Variants in ZNF385B observed in about 807,000 individuals in gnomAD.
ZNF385B encodes zinc finger protein 385B.
Under a neutral mutation model 39.2 loss-of-function variants are expected in ZNF385B, and 23 were observed. That is an observed-to-expected ratio of 0.59 (90% CI 0.42 to 0.83). The LOEUF (loss-of-function observed/expected upper bound fraction) is 0.83, where lower values mean the gene tolerates loss of function less well. ZNF385B is among the 40% of genes least tolerant of loss of function. ZNF385B has a pLI of 0.00. For missense variants in ZNF385B, 552 were observed against 598.9 expected, an observed-to-expected ratio of 0.92 and a Z score of 0.82; for synonymous variants, 205 against 222.6, an observed-to-expected ratio of 0.92 and a Z score of 0.70.
At chr2:179,854,973 T>A (rs1684467381) in intron 1 of ZNF385B, among the ~76,000 whole-genome samples, 1 of 152,146 alleles carries the variant, frequency 6.6e-6, no homozygotes, top group Admixed American at 6.5e-5. Flanking sequence ...ACTGTACTCA[T>A]CTACAGTTCT....
chr2:179,696,133 A>C (rs184222558), intron 3 of ZNF385B, among the ~76,000 whole-genome samples: 1 of 152,114 alleles, frequency 6.6e-6, no homozygotes, highest in African/African-American at 2.4e-5. Context: ...ACAGGGGATA[A>C]GCAGGTGGTA....
intron 3 of ZNF385B, among the ~76,000 whole-genome samples, chr2:179,619,885 CA>C (rs1690066406): frequency 6.6e-6 from 1 of 152,140 alleles, no homozygotes; most frequent in Non-Finnish European, 1.5e-5. Context: ...AGTAATGTGG[CA>C]TGATAAAAAG....
chr2:179,491,613 T>C (rs975616014), intron 5 of ZNF385B, among the ~76,000 whole-genome samples: 1 of 152,228 alleles, frequency 6.6e-6, no homozygotes, highest in African/African-American at 2.4e-5. Flanking sequence ...CTCAAAGAAT[T>C]ATGTATATAA....
At chr2:179,833,600 C>G (rs762102895) in intron 1 of ZNF385B, among the ~76,000 whole-genome samples, 1 of 152,052 alleles carries the variant, frequency 6.6e-6, no homozygotes, top group African/African-American at 2.4e-5. Flanking sequence ...TACACAGTTG[C>G]CTTATTACAT....
In ZNF385B at chr2:179,665,347, A is replaced by T. The variant is rs182082806; in HGVS notation, c.298+104156T>A. On this transcript the variant is annotated intron_variant, in intron 3 of 9. Transcript: ENST00000410066. ...CATCTCTGCATCCATATAGATGAGC[A>T]TCAGAAGCTTTCAGAGAGGTGATGA... is the stretch of plus-strand genomic sequence containing the variant. 1.2e-4 allele frequency among the ~76,000 whole-genome samples: 19 copies of T among 152,364 alleles called. 1 individual carries two copies. Among genetic ancestry groups the T allele is most frequent in the Admixed American group, 1.2e-3 (19 of 15,308 alleles).
chr2:179,720,751 A>G (rs1267492669), intron 3 of ZNF385B, among the ~76,000 whole-genome samples: 1 of 152,024 alleles, frequency 6.6e-6, no homozygotes, highest in Non-Finnish European at 1.5e-5. Context: ...GAAAATACCA[A>G]AGAACCTTTA....
intron 1 of ZNF385B, among the ~76,000 whole-genome samples, chr2:179,788,468 G>T (rs1296686419): frequency 6.6e-6 from 1 of 152,132 alleles, no homozygotes; most frequent in Non-Finnish European, 1.5e-5. Flanking sequence ...AATTCCTGAG[G>T]CTCCCTTGAG....
Position 179,528,395 on chromosome 2 carries a change from G to A in ZNF385B, c.442-9757C>T, listed in dbSNP as rs375498248. ...CCTTTCTAACAGGTTTCTGCACAGC[G>A]TGGTTGGCCTGGAACTTGGTGAGTG... On this transcript the variant is annotated intron_variant, in intron 4 of 9. Transcript: ENST00000410066. Among the ~76,000 whole-genome samples the A allele has an allele frequency of 7.2e-5, 11 of 152,330 alleles. No individual in the cohort carries two copies. In the South Asian group the frequency reaches 1.7e-3, roughly 23 times the overall value.
chr2:179,807,932 AGG>A lies in ZNF385B; in HGVS notation c.-154-37262_-154-37261del, dbSNP rs1491065186. Among the ~76,000 whole-genome samples, 498 of 149,008 alleles carry A rather than the reference AGG, an allele frequency of 3.3e-3. 3 individuals carry two copies. Among genetic ancestry groups the A allele is most frequent in the African/African-American group, 0.012 (461 of 39,488 alleles). On this transcript the variant is annotated intron_variant, in intron 1 of 9. Coordinates refer to ENST00000410066, the MANE Select transcript of ZNF385B (RefSeq NM_152520.6). ...AAAGAAAGAAAGAAAGAAAGAAAGA[AGG>A]AAGGAAGGAAGGAAGGAAAGAATAC...
chr2:179,652,623 T>C (rs10497544), intron 3 of ZNF385B, among the ~76,000 whole-genome samples: 9,979 of 152,192 alleles, frequency 0.066, 524 homozygotes, highest in East Asian at 0.21. Flanking sequence ...CTTGACACTT[T>C]GCCATTGTAG....
chr2:179,760,549 A>T (rs572610570), intron 3 of ZNF385B, among the ~76,000 whole-genome samples: 2 of 152,266 alleles, frequency 1.3e-5, no homozygotes, highest in East Asian at 3.9e-4. Flanking sequence ...CTTAGTACAG[A>T]TGTACCACAA....
chr2:179,584,078 C>T (rs1212112169), intron 3 of ZNF385B: 1 of 549,226 alleles, frequency 1.8e-6, no homozygotes, highest in Admixed American at 2.5e-5. Flanking sequence ...CTGGGAGAAA[C>T]AGAAAAATAA....
In ZNF385B at chr2:179,843,252, C is replaced by T. The variant is rs190062625; in HGVS notation, c.-155+17849G>A. Among the ~76,000 whole-genome samples, 254 of 152,242 alleles carry T rather than the reference C, an allele frequency of 1.7e-3. 2 individuals carry two copies. The highest frequency in any genetic ancestry group is 1.5e-3 in the Non-Finnish European group (104 of 68,008). ...TCTGCAACACAACTCTCCCCTGAGG[C>T]AAAGGGAGCACAGGGGAACTAGCTA... On this transcript the variant is annotated intron_variant, in intron 1 of 9. Coordinates refer to ENST00000410066, the MANE Select transcript of ZNF385B (RefSeq NM_152520.6).
chr2:179,742,845 T>C (rs1702161019), intron 3 of ZNF385B, among the ~76,000 whole-genome samples: 1 of 152,088 alleles, frequency 6.6e-6, no homozygotes, highest in African/African-American at 2.4e-5. Flanking sequence ...ACTAGTCATT[T>C]TTAAGAACTG....
intron 6 of ZNF385B, among the ~76,000 whole-genome samples, chr2:179,459,697 TA>T (rs1474893993): frequency 3.3e-5 from 5 of 151,174 alleles, no homozygotes; most frequent in African/African-American, 7.3e-5. Context: ...ATTTATTAAA[TA>T]AAAAATGTGC....
intron 3 of ZNF385B, among the ~76,000 whole-genome samples, chr2:179,707,205 G>T (rs1699669276): frequency 6.6e-6 from 1 of 152,222 alleles, no homozygotes; most frequent in Admixed American, 6.5e-5. Context: ...AATTAGTGGA[G>T]CTGCGAAATA....
chr2:179,557,975 T>C (rs2061065279), intron 3 of ZNF385B, among the ~76,000 whole-genome samples: 1 of 152,168 alleles, frequency 6.6e-6, no homozygotes, highest in African/African-American at 2.4e-5. Context: ...ATTACAACTA[T>C]GCTTTAACCA....
chr2:179,445,846 G>T (rs997104527), intron 7 of ZNF385B, 118 bp from the exon 8 acceptor site: 26 of 991,930 alleles, frequency 2.6e-5, no homozygotes, highest in Non-Finnish European at 3.4e-5. Context: ...TTTTAAAAAT[G>T]ATCACTTTAA....
intron 5 of ZNF385B, among the ~76,000 whole-genome samples, chr2:179,498,461 CA>C (rs1347948196): frequency 6.6e-6 from 1 of 151,712 alleles, no homozygotes; most frequent in Non-Finnish European, 1.5e-5. Flanking sequence ...CTTAAAACAT[CA>C]AAAAAATGAA....
Sources: allele counts gnomAD v4.1 joint callset (sites outside exome capture counted in the v4.1 genomes callset), GRCh38; gene constraint gnomAD v4.1.1; transcripts MANE v1.5; gene names NCBI Gene and HGNC (gene_info 2026-07-23, HGNC 2026-07-21).